The following CEP128 variants were observed in gnomAD, a reference collection of about 807,000 sequenced individuals.
CEP128 encodes centrosomal protein 128kDa.
CEP128 carries 132 observed loss-of-function variants against 156.7 expected under a neutral mutation model. The observed-to-expected ratio is 0.84, with a 90% CI of 0.73 to 0.97. CEP128 has a LOEUF of 0.97. CEP128 is among the 50% of genes least tolerant of loss of function. The pLI, the probability that CEP128 is intolerant of heterozygous loss-of-function variation, is 0.00. For synonymous variants in CEP128, 469 were observed against 448.9 expected (o/e 1.04, Z -0.57); for missense variants, 1,252 against 1,281.9 (o/e 0.98, Z 0.36).
In CEP128 at chr14:80,740,494, C is replaced by CTAGATAGA. The variant is rs200610505; in HGVS notation, c.2806+2573_2806+2580dup. ...CACACACACAGATTCATATTTATAT[C>CTAGATAGA]TAGATAGATAGATAGATAGATAGAT... is the stretch of plus-strand genomic sequence containing the variant. On this transcript the variant is annotated intron_variant, in intron 19 of 24. Coordinates refer to ENST00000555265, the MANE Select transcript of CEP128 (RefSeq NM_152446.5). Among the ~76,000 whole-genome samples, 236 of 140,904 alleles carry CTAGATAGA rather than the reference C, an allele frequency of 1.7e-3. 1 individual carries two copies. Among genetic ancestry groups the CTAGATAGA allele is most frequent in the African/African-American group, 4.2e-3 (157 of 37,324 alleles). The allele number at this position is 140,904 out of a possible 152,430, so 92.4% of individuals were successfully genotyped here.
chr14:80,621,313 C>T (rs1050238101), intron 19 of CEP128, among the ~76,000 whole-genome samples: 1 of 152,064 alleles, frequency 6.6e-6, no homozygotes, highest in African/African-American at 2.4e-5. Context: ...GTAGCAGGCC[C>T]AATAAAAGCC....
chr14:80,553,297 T>C (rs1276258359), intron 21 of CEP128, among the ~76,000 whole-genome samples: 3 of 152,170 alleles, frequency 2.0e-5, no homozygotes, highest in Non-Finnish European at 2.9e-5. Context: ...TGTGTCCATG[T>C]GTTCTCATGT....
chr14:80,822,919 C>T (rs564802519), intron 13 of CEP128: 6 of 487,976 alleles, frequency 1.2e-5, no homozygotes, highest in South Asian at 9.7e-5. Flanking sequence ...TGTTAGCACA[C>T]AGAACACTTC....
chr14:80,943,903 A>T (rs1429257765), upstream of CEP128, among the ~76,000 whole-genome samples: 1 of 151,812 alleles, frequency 6.6e-6, no homozygotes, highest in Non-Finnish European at 1.5e-5. Context: ...CTGAAGCAGG[A>T]GAATCATTTG....
intron 23 of CEP128, among the ~76,000 whole-genome samples, chr14:80,521,911 C>T (rs891686895): frequency 6.6e-6 from 1 of 152,112 alleles, no homozygotes. Context: ...GTTAACTTTG[C>T]ACTCTAAATC....
At chr14:80,491,684 G>A (rs1021915052), downstream of CEP128, among the ~76,000 whole-genome samples, 9 of 152,206 alleles carry the variant, frequency 5.9e-5, no homozygotes, top group South Asian at 4.1e-4. Flanking sequence ...TCAGAAAGCC[G>A]ATCACTCTGC....
chr14:80,724,319 C>T (rs1457328297), intron 19 of CEP128, among the ~76,000 whole-genome samples: 2 of 152,104 alleles, frequency 1.3e-5, no homozygotes, highest in Non-Finnish European at 2.9e-5. Context: ...ATAAAAGACA[C>T]TTAAGACGTT....
intron 9 of CEP128, among the ~76,000 whole-genome samples, chr14:80,846,122 A>G (rs1419682001): frequency 6.6e-6 from 1 of 152,214 alleles, no homozygotes; most frequent in Non-Finnish European, 1.5e-5. Context: ...ATTTACAATG[A>G]CAATATTGGC....
rs1006904956 is a variant in CEP128 at position 80,736,841 on chromosome 14, T to C, written c.2806+6234A>G. Among the ~76,000 whole-genome samples the C allele has an allele frequency of 2.0e-5, 3 of 152,324 alleles. No homozygotes were observed. The South Asian group carries it at 6.2e-4, about 32-fold the overall frequency. On this transcript the variant is annotated intron_variant, in intron 19 of 24. Coordinates refer to ENST00000555265, the MANE Select transcript of CEP128 (RefSeq NM_152446.5). ...ATTTCGCATTCAATCACAGTTGACA[T>C]CTGCACAGATCTGTGTATAGCATCC...
At chr14:80,776,271 T>C (rs1172757851) in intron 16 of CEP128, among the ~76,000 whole-genome samples, 1 of 152,062 alleles carries the variant, frequency 6.6e-6, no homozygotes, top group East Asian at 1.9e-4. Context: ...TTGAAAAATT[T>C]AGCATTATCA....
chr14:80,925,520 T>G (rs1885097184), intron 2 of CEP128, among the ~76,000 whole-genome samples: 1 of 152,174 alleles, frequency 6.6e-6, no homozygotes, highest in African/African-American at 2.4e-5. Context: ...CTGAGGCCTT[T>G]AAATATTTCT....
At chr14:80,853,302 T>C (rs190267620) in intron 9 of CEP128, among the ~76,000 whole-genome samples, 7 of 150,890 alleles carry the variant, frequency 4.6e-5, no homozygotes, top group Admixed American at 4.6e-4. Context: ...ACCAGTGCAA[T>C]AAGATAAAAA....
intron 19 of CEP128, among the ~76,000 whole-genome samples, chr14:80,682,188 G>T (rs774060417): frequency 2.0e-5 from 3 of 152,142 alleles, no homozygotes; most frequent in Non-Finnish European, 4.4e-5. Flanking sequence ...TACAAGAAAA[G>T]TTTGAAAACC....
intron 23 of CEP128, among the ~76,000 whole-genome samples, chr14:80,515,453 AAG>A (rs1888442566): frequency 6.6e-6 from 1 of 152,150 alleles, no homozygotes; most frequent in South Asian, 2.1e-4. Flanking sequence ...CTCATGCAGA[AAG>A]AGTCTCTCTC....
chr14:80,871,082 A>T (rs1298678929), intron 8 of CEP128, among the ~76,000 whole-genome samples: 1 of 152,106 alleles, frequency 6.6e-6, no homozygotes, highest in African/African-American at 2.4e-5. Flanking sequence ...CAGCAATGTA[A>T]AATCTTGGTA....
intron 19 of CEP128, among the ~76,000 whole-genome samples, chr14:80,665,424 T>C (rs1330022885): frequency 6.6e-6 from 1 of 152,198 alleles, no homozygotes; most frequent in Non-Finnish European, 1.5e-5. Flanking sequence ...TGGATTTAAT[T>C]GACTATCCCA....
At chr14:80,720,779 C>T (rs924896460) in intron 19 of CEP128, among the ~76,000 whole-genome samples, 3 of 152,168 alleles carry the variant, frequency 2.0e-5, no homozygotes, top group African/African-American at 7.2e-5. Context: ...GCAATGCAGA[C>T]AAACTAGTCT....
intron 19 of CEP128, among the ~76,000 whole-genome samples, chr14:80,725,428 C>T (rs963078871): frequency 6.6e-6 from 1 of 151,946 alleles, no homozygotes; most frequent in Non-Finnish European, 1.5e-5. Context: ...AGTGATCTGC[C>T]CGCCTCAGCC....
At chr14:80,488,805 T>TAA (rs35224072), downstream of CEP128, among the ~76,000 whole-genome samples, 567 of 151,626 alleles carry the variant, frequency 3.7e-3, 1 homozygote, top group African/African-American at 0.013. Context: ...TATGCAGCCA[T>TAA]AAAAAATGAT....
Sources: gnomAD v4.1 joint callset for allele counts (sites outside exome capture counted in the v4.1 genomes callset) on GRCh38, gnomAD v4.1.1 for gene constraint, MANE v1.5 for transcripts, NCBI Gene and HGNC (gene_info 2026-07-23, HGNC 2026-07-21) for gene names.